Variants in FOXRED1 observed in about 807,000 individuals in gnomAD.
FOXRED1 encodes FAD dependent oxidoreductase domain containing 1, also known as FAD-dependent oxidoreductase domain-containing protein 1.
FOXRED1 carries 52 observed loss-of-function variants against 57.8 expected under a neutral mutation model. The observed-to-expected ratio is 0.90, with a 90% CI of 0.72 to 1.13. The LOEUF (loss-of-function observed/expected upper bound fraction) is 1.13. Ranked by LOEUF, FOXRED1 falls within the 50% of genes most tolerant of loss-of-function variation. The pLI is 0.00. For missense variants in FOXRED1, 589 were observed against 625.2 expected (o/e 0.94, Z 0.62); for synonymous variants, 271 against 248.3 (o/e 1.09, Z -0.86).
rs1355209792 is a variant in FOXRED1, at chr11:126,277,192, G to A, written c.1206+17G>A. On this transcript the variant is annotated intron_variant, in intron 10 of 10. Transcript: ENST00000263578. This position sits in a 1 kb window ranked among gnomAD's most constrained non-coding sequence, Gnocchi z 6.8. Reference sequence around the variant, plus strand: ...ACTCTGAAGGTAACTGGCAAGGGCTGGTTTTCCTTTTTATTTTTGGACATT... The same window carrying A: ...ACTCTGAAGGTAACTGGCAAGGGCTAGTTTTCCTTTTTATTTTTGGACATT... The A allele has an allele frequency of 2.0e-6, 3 of 1,531,720 alleles. No homozygotes were observed. The highest frequency in any genetic ancestry group is 2.7e-5 in the African/African-American group (2 of 73,396). The allele number at this position is 1,531,720 out of a possible 1,614,324, so 94.9% of individuals were successfully genotyped here. A position where few individuals can be genotyped will look rare whatever the true frequency, so the allele number is the denominator to read the frequency against.
In FOXRED1 at chr11:126,269,196, T is replaced by C; in HGVS notation, c.-11T>C. 4 of 1,606,374 alleles carry C rather than the reference T, an allele frequency of 2.5e-6. No individual in the cohort carries two copies. The highest frequency in any genetic ancestry group is 3.4e-6 in the Non-Finnish European group (4 of 1,173,604). ...AGTGCAGCTTTCAGAGGGTCCGGGC[T>C]CAGAGGGGTTATGATTCGGAGGGTT... On this transcript the variant is annotated 5_prime_UTR_variant, in exon 1 of 11. Coordinates refer to ENST00000263578, the MANE Select transcript of FOXRED1 (RefSeq NM_017547.4).
chr11:126,276,892 A>G (rs1951167238), intron 9 of FOXRED1, 179 bp from the exon 10 acceptor site: 2 of 607,196 alleles, frequency 3.3e-6, no homozygotes, highest in Non-Finnish European at 2.9e-6. Context: ...AAAAAAAAAG[A>G]AAAAGAATCA....
intron 1 of FOXRED1, among the ~76,000 whole-genome samples, chr11:126,269,845 G>C (rs755320999): frequency 1.3e-5 from 2 of 151,998 alleles, no homozygotes; most frequent in African/African-American, 2.4e-5. Context: ...AAATTAGCTA[G>C]GTGTGGTGGT....
rs577236596 is a variant in FOXRED1, at chr11:126,277,665, G to C, written c.1437G>C (p.Lys479Asn). The C allele has an allele frequency of 3.2e-5, 52 of 1,613,688 alleles. 1 individual carries two copies. The East Asian group carries it at 1.0e-3, about 31-fold the overall frequency. The change falls in exon 11 of 11, where the codon AAG becomes AAC. Residue 479 changes from lysine (K) to asparagine (N), a missense_variant. By Grantham distance (94) the Lys-to-Asn change is moderately conservative. Transcript: ENST00000263578. This position sits in a 1 kb window ranked among gnomAD's most constrained non-coding sequence, Gnocchi z 6.8. Reference sequence around the variant, plus strand: ...TTACCCGCTTTTACTTGGGAGAGAAGATCCAGGAGAACAACATCATCTGAG... The same window carrying C: ...TTACCCGCTTTTACTTGGGAGAGAACATCCAGGAGAACAACATCATCTGAG... ...FLFTRFYLGEKIQENNII is the reference protein window; with the variant it reads ...FLFTRFYLGENIQENNII
Position 126,273,564 on chromosome 11 carries a change from T to TC in FOXRED1, c.536+111dup. 1 of 780,528 alleles carries TC rather than the reference T, an allele frequency of 1.3e-6. No homozygotes were observed. Among genetic ancestry groups the TC allele is most frequent in the Non-Finnish European group, 2.3e-6 (1 of 433,988 alleles). 48.4% of individuals were successfully genotyped at this position (780,528 alleles called of 1,614,324 possible). A position where few individuals can be genotyped will look rare whatever the true frequency, so the allele number is the denominator to read the frequency against. The stretch of plus-strand genomic sequence containing the variant: ...GAGTTGATAAGACAGATCCCTGCGG[T>TC]CTAGGACCTCAGTGTGTCAGGAAGA... On this transcript the variant is annotated intron_variant, in intron 4 of 10. Coordinates refer to ENST00000263578, the MANE Select transcript of FOXRED1 (RefSeq NM_017547.4). The surrounding 1 kb of genome is among the most constrained non-coding windows in gnomAD (Gnocchi z 5.9).
Position 126,271,177 on chromosome 11 carries a change from G to C in FOXRED1, c.86-260G>C. On this transcript the variant is annotated intron_variant, in intron 1 of 10. Transcript: ENST00000263578. The surrounding 1 kb of genome is among the most constrained non-coding windows in gnomAD (Gnocchi z 5.3). ...TTGGGATCAGGAGAGGTCTATGCAG[G>C]AGGTAATGTAGAAAATTAATTTTAG... 2.2e-6 allele frequency: 1 copy of C among 456,888 alleles called. No individual in the cohort carries two copies. The highest frequency in any genetic ancestry group is 4.1e-6 in the Non-Finnish European group (1 of 245,716). 28.3% of individuals were successfully genotyped at this position (456,888 alleles called of 1,614,324 possible). A position where few individuals can be genotyped will look rare whatever the true frequency, so the allele number is the denominator to read the frequency against.
In FOXRED1 at chr11:126,271,879, T is replaced by C; in HGVS notation, c.306+222T>C. Reference sequence around the variant, plus strand: ...AGGTTTGTTCTTTTGAAAGCAGATATCACCATATTGGATTTTTCGAGATCT... The same window carrying C: ...AGGTTTGTTCTTTTGAAAGCAGATACCACCATATTGGATTTTTCGAGATCT... On this transcript the variant is annotated intron_variant, in intron 2 of 10. Coordinates refer to ENST00000263578, the MANE Select transcript of FOXRED1 (RefSeq NM_017547.4). This position sits in a 1 kb window ranked among gnomAD's most constrained non-coding sequence, Gnocchi z 5.3. The C allele has an allele frequency of 5.4e-6, 3 of 556,238 alleles. No homozygotes were observed. The highest frequency in any genetic ancestry group is 9.8e-6 in the Non-Finnish European group (3 of 306,254). 34.5% of individuals were successfully genotyped at this position (556,238 alleles called of 1,614,324 possible). A position where few individuals can be genotyped will look rare whatever the true frequency, so the allele number is the denominator to read the frequency against.
Position 126,277,826 on chromosome 11 carries a change from T to C in FOXRED1, c.*137T>C. On this transcript the variant is annotated 3_prime_UTR_variant, in exon 11 of 11. Transcript: ENST00000263578. This position sits in a 1 kb window ranked among gnomAD's most constrained non-coding sequence, Gnocchi z 6.8. ...TGTCCTCTCCTCTCAGGCAGGCCATTGCACCCATATGGCTGGGCAGGCACA... is the reference window on the plus strand; with the variant it reads ...TGTCCTCTCCTCTCAGGCAGGCCATCGCACCCATATGGCTGGGCAGGCACA... The C allele has an allele frequency of 1.1e-6, 1 of 931,932 alleles. No homozygotes were observed. 57.7% of individuals were successfully genotyped at this position (931,932 alleles called of 1,614,324 possible). A position where few individuals can be genotyped will look rare whatever the true frequency, so the allele number is the denominator to read the frequency against.
Position 126,277,461 on chromosome 11 carries a change from C to G in FOXRED1, c.1233C>G (p.Tyr411Ter). ...LKVQSAWAGY[Y>*]DYNTFDQNGV... ...TTCAGAGCGCCTGGGCCGGCTATTA[C>G]GACTACAACACCTTTGACCAGAATG... is the stretch of plus-strand genomic sequence containing the variant. The change falls in exon 11 of 11, where the codon TAC becomes TAG. Residue 411 changes from tyrosine (Y) to a stop codon, truncating the protein, a stop_gained. Transcript: ENST00000263578. LOFTEE classifies it high-confidence loss of function. This position sits in a 1 kb window ranked among gnomAD's most constrained non-coding sequence, Gnocchi z 6.8. 1.2e-6 allele frequency: 2 copies of G among 1,613,286 alleles called. No individual in the cohort carries two copies. The highest frequency in any genetic ancestry group is 1.7e-6 in the Non-Finnish European group (2 of 1,179,984).
chr11:126,273,020 T>G lies in FOXRED1; in HGVS notation c.358T>G (p.Ser120Ala). 6.2e-7 allele frequency: 1 copy of G among 1,609,850 alleles called. No homozygotes were observed. Among genetic ancestry groups the G allele is most frequent in the Non-Finnish European group, 8.5e-7 (1 of 1,176,008 alleles). ...AGTAGGTGGGATTTGTCAGCAGTTC[T>G]CATTGCCTGAGAACATCCAGCTCTC... ...LSVGGICQQF[S>A]LPENIQLSLF... Residue 120 changes from serine to alanine, a missense_variant, in exon 3 of 11, where the codon TCA (serine) becomes GCA (alanine). Coordinates refer to ENST00000263578, the MANE Select transcript of FOXRED1 (RefSeq NM_017547.4). The surrounding 1 kb of genome is among the most constrained non-coding windows in gnomAD (Gnocchi z 5.9).
At chr11:126,269,347 CTG>C (rs1279763178) in intron 1 of FOXRED1, 56 bp downstream of exon 1, 11 of 1,613,656 alleles carry the variant, frequency 6.8e-6, no homozygotes, top group Non-Finnish European at 8.5e-6. Flanking sequence ...CAACCTCCGA[CTG>C]TGTGTCCTTC....
chr11:126,272,177 G>A lies in FOXRED1; in HGVS notation c.306+520G>A, dbSNP rs1347668891. Among the ~76,000 whole-genome samples the A allele has an allele frequency of 6.6e-6, 1 of 152,030 alleles. No homozygotes were observed. On this transcript the variant is annotated intron_variant, in intron 2 of 10. Transcript: ENST00000263578. The surrounding 1 kb of genome is among the most constrained non-coding windows in gnomAD (Gnocchi z 4.6). Reference sequence around the variant, plus strand: ...AGGTTTCACCATGTTGCCTAGGCTGGTCTTGAACTCCGAACCTCAAGTGAT... The same window carrying A: ...AGGTTTCACCATGTTGCCTAGGCTGATCTTGAACTCCGAACCTCAAGTGAT...
chr11:126,277,563 C>T lies in FOXRED1; in HGVS notation c.1335C>T (p.Ala445=). Residue 445 remains alanine, a synonymous_variant, in exon 11 of 11, where the codon GCC becomes GCT. Coordinates refer to ENST00000263578, the MANE Select transcript of FOXRED1 (RefSeq NM_017547.4). The surrounding 1 kb of genome is among the most constrained non-coding windows in gnomAD (Gnocchi z 6.8). ...TCAGTGGTCACGGGCTCCAGCAGGC[C>T]CCTGGCATTGGGCGAGCTGTAGCAG... ...TGFSGHGLQQ[A]PGIGRAVAEM... 6.2e-7 allele frequency: 1 copy of T among 1,613,788 alleles called. No homozygotes were observed.
rs960685796 is a variant in FOXRED1, at chr11:126,271,060, C to T, written c.86-377C>T. 4 of 333,140 alleles carry T rather than the reference C, an allele frequency of 1.2e-5. No homozygotes were observed. The Admixed American group carries it at 1.7e-4, about 14-fold the overall frequency. 20.6% of individuals were successfully genotyped at this position (333,140 alleles called of 1,614,324 possible). ...GGCACCGCTTAGCGGTGACATGCTTCAGAGGGTGCCGTGACTTGGGGTGTG... is the reference window on the plus strand; with the variant it reads ...GGCACCGCTTAGCGGTGACATGCTTTAGAGGGTGCCGTGACTTGGGGTGTG... On this transcript the variant is annotated intron_variant, in intron 1 of 10. Transcript: ENST00000263578. The surrounding 1 kb of genome is among the most constrained non-coding windows in gnomAD (Gnocchi z 5.3).
chr11:126,269,210 A>G lies in FOXRED1; in HGVS notation c.4A>G (p.Ile2Val). Residue 2 changes from isoleucine (I) to valine (V), a missense_variant, in exon 1 of 11, where the codon ATT becomes GTT. Coordinates refer to ENST00000263578, the MANE Select transcript of FOXRED1 (RefSeq NM_017547.4). ...AGGGTCCGGGCTCAGAGGGGTTATG[A>G]TTCGGAGGGTTCTGCCGCACGGCAT... M[I>V]RRVLPHGMGR... 1 of 1,613,116 alleles carries G rather than the reference A, an allele frequency of 6.2e-7. No homozygotes were observed. Among genetic ancestry groups the G allele is most frequent in the South Asian group, 1.1e-5 (1 of 91,058 alleles).
Position 126,272,610 on chromosome 11 carries a change from T to G in FOXRED1, c.307-359T>G. The G allele has an allele frequency of 2.8e-6, 1 of 360,118 alleles. No homozygotes were observed. The highest frequency in any genetic ancestry group is 4.0e-5 in the Admixed American group (1 of 25,094). 22.3% of individuals were successfully genotyped at this position (360,118 alleles called of 1,614,324 possible). A position where few individuals can be genotyped will look rare whatever the true frequency, so the allele number is the denominator to read the frequency against. On this transcript the variant is annotated intron_variant, in intron 2 of 10. Coordinates refer to ENST00000263578, the MANE Select transcript of FOXRED1 (RefSeq NM_017547.4). This position sits in a 1 kb window ranked among gnomAD's most constrained non-coding sequence, Gnocchi z 4.6. ...CCGGCTGGTTTTTACACTTTAGGTG[T>G]TCCTGTTTGCATTGCCAGCTAGCCA...
rs753696521 is a variant in FOXRED1, at chr11:126,271,500, G to T, written c.149G>T (p.Cys50Phe). 1 of 1,614,204 alleles carries T rather than the reference G, an allele frequency of 6.2e-7. No individual in the cohort carries two copies. The highest frequency in any genetic ancestry group is 2.2e-5 in the East Asian group (1 of 44,890). Residue 50 changes from cysteine to phenylalanine, a missense_variant, in exon 2 of 11, where the codon TGT becomes TTT. Physicochemically the swap from Cys to Phe is radical, Grantham distance 205. Transcript: ENST00000263578. This position sits in a 1 kb window ranked among gnomAD's most constrained non-coding sequence, Gnocchi z 5.3. ...KIKSILPGRS[C>F]DLLQDTSHLP... ...AAGTCGATCCTGCCTGGAAGGTCCT[G>T]TGATCTACTGCAAGACACCAGCCAC...
rs1463375995 is a variant in FOXRED1 at position 126,278,108 on chromosome 11, A to G, written c.*419A>G. The G allele has an allele frequency of 2.2e-6, 1 of 464,190 alleles. No homozygotes were observed. The highest frequency in any genetic ancestry group is 2.3e-5 in the Admixed American group (1 of 42,802). 28.8% of individuals were successfully genotyped at this position (464,190 alleles called of 1,614,324 possible). A position where few individuals can be genotyped will look rare whatever the true frequency, so the allele number is the denominator to read the frequency against. ...CTGTTTACCCTATCCATTAATCAAT[A>G]CATGTAATTAACTCCTTCCCTCCAG... is the stretch of plus-strand genomic sequence containing the variant. On this transcript the variant is annotated 3_prime_UTR_variant, in exon 11 of 11. Coordinates refer to ENST00000263578, the MANE Select transcript of FOXRED1 (RefSeq NM_017547.4). The surrounding 1 kb of genome is among the most constrained non-coding windows in gnomAD (Gnocchi z 4.8).
Position 126,272,731 on chromosome 11 carries a change from T to G in FOXRED1, c.307-238T>G. 1 of 592,150 alleles carries G rather than the reference T, an allele frequency of 1.7e-6. No individual in the cohort carries two copies. The highest frequency in any genetic ancestry group is 3.0e-6 in the Non-Finnish European group (1 of 330,904). The allele number at this position is 592,150 out of a possible 1,614,324, so 36.7% of individuals were successfully genotyped here. On this transcript the variant is annotated intron_variant, in intron 2 of 10. Transcript: ENST00000263578. The surrounding 1 kb of genome is among the most constrained non-coding windows in gnomAD (Gnocchi z 4.6). The stretch of plus-strand genomic sequence containing the variant: ...CCCTTGGACTTCCAGGCCATTACCA[T>G]TTTGTACCACTGTGTCAGCTCTTTC...
Sources: gnomAD v4.1 joint callset for allele counts (sites outside exome capture counted in the v4.1 genomes callset) on GRCh38, gnomAD v4.1.1 for gene constraint, Gnocchi (gnomAD v3.1) non-coding constraint, MANE v1.5 for transcripts, NCBI Gene and HGNC (gene_info 2026-07-23, HGNC 2026-07-21) for gene names.